The following CEP128 variants were observed in gnomAD, a reference collection of about 807,000 sequenced individuals.
CEP128 encodes centrosomal protein 128kDa.
In CEP128, 132 loss-of-function variants were observed where a neutral mutation model predicts 156.7. That is an observed-to-expected ratio of 0.84 (90% CI 0.73 to 0.97). The LOEUF (loss-of-function observed/expected upper bound fraction) is 0.97. Ranked by LOEUF, CEP128 falls within the 50% of genes least tolerant of loss-of-function variation. The probability of loss-of-function intolerance (pLI) is 0.00; values close to 1 mark genes in which losing one functional copy is unlikely to be tolerated. For synonymous variants in CEP128, 469 were observed against 448.9 expected (o/e 1.04, Z -0.57); for missense variants, 1,252 against 1,281.9 (o/e 0.98, Z 0.36).
intron 6 of CEP128, among the ~76,000 whole-genome samples, chr14:80,902,147 G>A (rs910385894): frequency 6.6e-6 from 1 of 152,022 alleles, no homozygotes; most frequent in East Asian, 1.9e-4. Flanking sequence ...TTCCACTATC[G>A]CATGCATCTC....
chr14:80,563,069 C>A (rs935273967), intron 20 of CEP128, among the ~76,000 whole-genome samples: 1 of 152,100 alleles, frequency 6.6e-6, no homozygotes, highest in Non-Finnish European at 1.5e-5. Flanking sequence ...ATCTCCATAA[C>A]CTCTCCCAGT....
chr14:80,506,688 A>G (rs1408209224), intron 23 of CEP128, among the ~76,000 whole-genome samples: 2 of 152,162 alleles, frequency 1.3e-5, no homozygotes, highest in African/African-American at 2.4e-5. Context: ...TACCGACTTT[A>G]TATTTTATTT....
intron 6 of CEP128, 92 bp from the exon 7 acceptor site, chr14:80,900,121 G>A: frequency 2.7e-6 from 2 of 750,354 alleles, no homozygotes; most frequent in Non-Finnish European, 4.3e-6. Context: ...CTTGTTCCTT[G>A]CAATAATAAC....
chr14:80,894,486 T>C (rs1317119011), intron 8 of CEP128: 15 of 391,922 alleles, frequency 3.8e-5, no homozygotes, highest in Non-Finnish European at 9.7e-6. Context: ...TTAGATATTT[T>C]AGACTGGTAC....
intron 19 of CEP128, among the ~76,000 whole-genome samples, chr14:80,664,990 C>A (rs2140908113): frequency 6.6e-6 from 1 of 152,300 alleles, no homozygotes; most frequent in East Asian, 1.9e-4. Context: ...TCCTACTGAT[C>A]TTTACAAATG....
At chr14:80,910,247 T>C (rs1014635661) in intron 4 of CEP128, among the ~76,000 whole-genome samples, 4 of 152,234 alleles carry the variant, frequency 2.6e-5, no homozygotes, top group Admixed American at 6.5e-5. Context: ...TGCACCAGTA[T>C]AAATGCAAAT....
intron 23 of CEP128, among the ~76,000 whole-genome samples, chr14:80,520,537 C>G (rs189268030): frequency 9.6e-4 from 146 of 152,008 alleles, no homozygotes; most frequent in African/African-American, 3.3e-3. Context: ...CATAATAGGA[C>G]TAATAGCTAA....
At chr14:80,479,439 T>TA (rs1887008267) in intron 14 of CEP128, among the ~76,000 whole-genome samples, 1 of 152,116 alleles carries the variant, frequency 6.6e-6, no homozygotes, top group Non-Finnish European at 1.5e-5. Context: ...AGGCACTTCT[T>TA]ACATGGTAGC....
chr14:80,678,064 G>GTGTATATA (rs1896158877), intron 19 of CEP128, among the ~76,000 whole-genome samples: 3 of 27,416 alleles, frequency 1.1e-4, no homozygotes, highest in African/African-American at 2.8e-4. Context: ...ATATATATAT[G>GTGTATATA]TATATATATA....
At chr14:80,672,307 CA>C (rs11323956) in intron 19 of CEP128, among the ~76,000 whole-genome samples, 117,892 of 145,302 alleles carry the variant, frequency 0.81, 47,742 homozygotes, top group Admixed American at 0.86. Flanking sequence ...CCTAATAAGC[CA>C]AAAAAAAAAA....
chr14:80,581,485 C>A (rs749248927), intron 19 of CEP128, among the ~76,000 whole-genome samples: 2 of 152,070 alleles, frequency 1.3e-5, no homozygotes, highest in African/African-American at 4.8e-5. Flanking sequence ...AGGCAATACA[C>A]CAAAATTTCA....
At chr14:80,748,906 A>G (rs1436713994) in intron 18 of CEP128, among the ~76,000 whole-genome samples, 2 of 152,164 alleles carry the variant, frequency 1.3e-5, no homozygotes, top group African/African-American at 2.4e-5. Flanking sequence ...CTAGGCCAGA[A>G]AAAAACATGT....
chr14:80,675,602 C>A (rs1250112283), intron 19 of CEP128, among the ~76,000 whole-genome samples: 2 of 151,898 alleles, frequency 1.3e-5, no homozygotes, highest in Non-Finnish European at 2.9e-5. Context: ...GAATTTTCAT[C>A]TTATTGATTT....
chr14:80,662,395 A>C (rs1895438045), intron 19 of CEP128, among the ~76,000 whole-genome samples: 1 of 152,212 alleles, frequency 6.6e-6, no homozygotes, highest in African/African-American at 2.4e-5. Flanking sequence ...TATCCTTCTT[A>C]ATTATTGGCT....
At chr14:80,690,723 C>T (rs1190239772) in intron 19 of CEP128, among the ~76,000 whole-genome samples, 1 of 152,172 alleles carries the variant, frequency 6.6e-6, no homozygotes, top group Non-Finnish European at 1.5e-5. Context: ...TAAACAACTA[C>T]TACTTAGTGG....
intron 20 of CEP128, among the ~76,000 whole-genome samples, chr14:80,561,901 T>C (rs1281178882): frequency 2.0e-5 from 3 of 149,724 alleles, no homozygotes; most frequent in Admixed American, 6.6e-5. Context: ...AAGGTCTATA[T>C]ATATATATAT....
intron 19 of CEP128, among the ~76,000 whole-genome samples, chr14:80,651,474 G>T (rs180778232): frequency 6.6e-6 from 1 of 151,986 alleles, no homozygotes; most frequent in East Asian, 1.9e-4. Flanking sequence ...GAATTTGTTT[G>T]CTCTTGTTTC....
chr14:80,589,027 T>C (rs566791552), intron 19 of CEP128, among the ~76,000 whole-genome samples: 1 of 152,234 alleles, frequency 6.6e-6, no homozygotes, highest in South Asian at 2.1e-4. Context: ...ATATAAAGAT[T>C]ATCCTTAATT....
intron 13 of CEP128, among the ~76,000 whole-genome samples, chr14:80,799,451 A>C (rs1883699802): frequency 6.6e-6 from 1 of 152,222 alleles, no homozygotes. Context: ...ACCTTGAAAA[A>C]GAACAGAGTA....
Sources: allele counts gnomAD v4.1 joint callset (sites outside exome capture counted in the v4.1 genomes callset), GRCh38; gene constraint gnomAD v4.1.1; transcripts MANE v1.5; gene names NCBI Gene and HGNC (gene_info 2026-07-23, HGNC 2026-07-21).